Variants in GALNT13 observed in about 807,000 individuals in gnomAD.
GALNT13 encodes the protein UDP-GalNAc:polypeptide N-acetylgalactosaminyltransferase 13.
Under a neutral mutation model 64.2 loss-of-function variants are expected in GALNT13, and 28 were observed. That is an observed-to-expected ratio of 0.44 (90% CI 0.32 to 0.60). The LOEUF (loss-of-function observed/expected upper bound fraction) is 0.60, where lower values mean the gene tolerates loss of function less well. Among genes scored for constraint, GALNT13 ranks in the 20% least tolerant of loss-of-function variants. The pLI is 0.05. For synonymous variants in GALNT13, 214 were observed against 224.6 expected, an observed-to-expected ratio of 0.95 and a Z score of 0.42; for missense variants, 577 against 669.8, an observed-to-expected ratio of 0.86 and a Z score of 1.53.
the GALNT13 span, among the ~76,000 whole-genome samples, chr2:153,775,521 A>G: frequency 1.3e-5 from 2 of 152,148 alleles, no homozygotes; most frequent in African/African-American, 2.4e-5. Flanking sequence ...TCATGTTATC[A>G]TGCAAACTAT....
the GALNT13 span, among the ~76,000 whole-genome samples, chr2:153,561,800 C>G: frequency 1.3e-5 from 2 of 151,940 alleles, no homozygotes; most frequent in Non-Finnish European, 1.5e-5. Flanking sequence ...CATTAATTAA[C>G]TGTTGACTTT....
At chr2:154,052,707 T>C (rs1450162758) in intron 3 of GALNT13, among the ~76,000 whole-genome samples, 1 of 151,948 alleles carries the variant, frequency 6.6e-6, no homozygotes. Flanking sequence ...AATGGACACT[T>C]CTTTGTTCAC....
the GALNT13 span, among the ~76,000 whole-genome samples, chr2:153,401,697 T>A: frequency 6.8e-6 from 1 of 147,812 alleles, no homozygotes; most frequent in African/African-American, 2.5e-5. Flanking sequence ...TCTTTGTCTC[T>A]TTTGATCTTT....
intron 3 of GALNT13, among the ~76,000 whole-genome samples, chr2:153,970,256 T>G (rs548315603): frequency 1.3e-5 from 2 of 152,230 alleles, no homozygotes; most frequent in African/African-American, 2.4e-5. Context: ...GTTTCCATAT[T>G]GCTAAGTCCA....
chr2:153,541,176 G>T, the GALNT13 span, among the ~76,000 whole-genome samples: 4 of 152,244 alleles, frequency 2.6e-5, no homozygotes, highest in African/African-American at 9.6e-5. Flanking sequence ...CTGTTATCAT[G>T]ATAGAGAGTG....
At chr2:153,660,694 A>G in the GALNT13 span, among the ~76,000 whole-genome samples, 4,772 of 151,944 alleles carry the variant, frequency 0.031, 115 homozygotes, top group Middle Eastern at 0.059. Context: ...CTACAGTTAA[A>G]CCACTGTAGA....
chr2:153,607,490 G>T, the GALNT13 span, among the ~76,000 whole-genome samples: 1 of 152,120 alleles, frequency 6.6e-6, no homozygotes, highest in African/African-American at 2.4e-5. Context: ...GAACTCAAGT[G>T]TCAGTAAAGG....
At chr2:153,591,155 T>C in the GALNT13 span, among the ~76,000 whole-genome samples, 1 of 152,090 alleles carries the variant, frequency 6.6e-6, no homozygotes, top group African/African-American at 2.4e-5. Flanking sequence ...AAATCAGTCA[T>C]GTTTCTATAT....
chr2:153,185,394 C>A, the GALNT13 span, among the ~76,000 whole-genome samples: 1 of 151,932 alleles, frequency 6.6e-6, no homozygotes, highest in Admixed American at 6.6e-5. Context: ...TTATTTCTTT[C>A]TCAAAAAACC....
the GALNT13 span, among the ~76,000 whole-genome samples, chr2:153,327,026 G>A: frequency 6.6e-6 from 1 of 152,086 alleles, no homozygotes; most frequent in African/African-American, 2.4e-5. Flanking sequence ...AGAGGTTGCA[G>A]TGAGCCGAGA....
intron 2 of GALNT13, among the ~76,000 whole-genome samples, chr2:153,901,568 A>G (rs189429386): frequency 6.9e-4 from 105 of 152,148 alleles, no homozygotes; most frequent in African/African-American, 2.3e-3. Context: ...TTTGGGGGTT[A>G]CTGTGAGTGG....
intron 3 of GALNT13, among the ~76,000 whole-genome samples, chr2:153,970,278 C>A (rs1420776727): frequency 6.6e-6 from 1 of 152,168 alleles, no homozygotes; most frequent in Non-Finnish European, 1.5e-5. Context: ...TGATTCTCAA[C>A]CTTTATTTTA....
chr2:153,586,140 C>A, the GALNT13 span, among the ~76,000 whole-genome samples: 1 of 152,028 alleles, frequency 6.6e-6, no homozygotes, highest in Non-Finnish European at 1.5e-5. Flanking sequence ...AAAAGGAAGA[C>A]AATTCACAAA....
the GALNT13 span, among the ~76,000 whole-genome samples, chr2:153,248,606 G>A: frequency 6.6e-6 from 1 of 151,908 alleles, no homozygotes; most frequent in Non-Finnish European, 1.5e-5. Context: ...GAGGTCAGGA[G>A]ATGGCGACCA....
chr2:153,757,221 C>G, the GALNT13 span, among the ~76,000 whole-genome samples: 4 of 152,140 alleles, frequency 2.6e-5, no homozygotes, highest in East Asian at 7.7e-4. Flanking sequence ...CACAGTTCTG[C>G]TTTCTTCCGT....
the GALNT13 span, among the ~76,000 whole-genome samples, chr2:153,146,396 T>A: frequency 0.036 from 5,541 of 151,942 alleles, 199 homozygotes; most frequent in East Asian, 0.17. Flanking sequence ...ATGAGCCAGA[T>A]TTCCCATTTA....
At chr2:153,205,680 A>G in the GALNT13 span, among the ~76,000 whole-genome samples, 1 of 152,098 alleles carries the variant, frequency 6.6e-6, no homozygotes, top group Admixed American at 6.6e-5. Flanking sequence ...CTTGCTGAGC[A>G]CTTTTGCACA....
chr2:154,446,299 A>G (rs1387304787), intron 12 of GALNT13, among the ~76,000 whole-genome samples: 1 of 152,088 alleles, frequency 6.6e-6, no homozygotes, highest in East Asian at 1.9e-4. Flanking sequence ...AATCTTTTAT[A>G]TCTAAAATAA....
the GALNT13 span, among the ~76,000 whole-genome samples, chr2:153,539,882 AG>A: frequency 6.6e-6 from 1 of 152,192 alleles, no homozygotes; most frequent in Non-Finnish European, 1.5e-5. Flanking sequence ...GAAATTTCTA[AG>A]CAGCAAAGCA....
Sources: allele counts gnomAD v4.1 joint callset (sites outside exome capture counted in the v4.1 genomes callset), GRCh38; gene constraint gnomAD v4.1.1; transcripts MANE v1.5; gene names NCBI Gene and HGNC (gene_info 2026-07-23, HGNC 2026-07-21).